Variants in HS2ST1 observed in about 807,000 individuals in gnomAD.
The protein encoded by HS2ST1 is 2-O-sulfotransferase.
A neutral mutation model predicts 42.9 loss-of-function variants in HS2ST1; 18 were observed. The ratio of observed to expected loss-of-function variants is 0.42; its 90% CI spans 0.29 to 0.62. The LOEUF is 0.62. Among genes scored for constraint, HS2ST1 ranks in the 20% least tolerant of loss-of-function variants. The pLI, the probability that HS2ST1 is intolerant of heterozygous loss-of-function variation, is 0.21. For missense variants in HS2ST1, 334 were observed against 433.8 expected (o/e 0.77, Z 2.04); for synonymous variants, 146 against 152.9 (o/e 0.95, Z 0.33).
chr1:86,983,416 G>A (rs930358135), intron 1 of HS2ST1, among the ~76,000 whole-genome samples: 1 of 152,120 alleles, frequency 6.6e-6, no homozygotes. Flanking sequence ...AGGAGAGAGA[G>A]TGCAGGGGAA....
chr1:87,040,624 C>T (rs1189251425), intron 1 of HS2ST1, among the ~76,000 whole-genome samples: 1 of 152,118 alleles, frequency 6.6e-6, no homozygotes, highest in Non-Finnish European at 1.5e-5. Context: ...GTGGCCCTTT[C>T]AGAACCTCAA....
intron 1 of HS2ST1, among the ~76,000 whole-genome samples, chr1:87,023,365 T>C (rs964506542): frequency 6.6e-6 from 1 of 151,782 alleles, no homozygotes; most frequent in Admixed American, 6.6e-5. Flanking sequence ...CATAGATGAG[T>C]GGTAAAATAA....
rs547578991 is a variant in HS2ST1, at chr1:87,106,230, C to T, written c.*1534C>T. 2.0e-5 allele frequency: 3 copies of T among 152,560 alleles called. No individual in the cohort carries two copies. In the East Asian group the frequency reaches 5.8e-4, roughly 29 times the overall value. The allele number at this position is 152,560 out of a possible 1,614,324, so 9.5% of individuals were successfully genotyped here. A position where few individuals can be genotyped will look rare whatever the true frequency, so the allele number is the denominator to read the frequency against. ...AATTTGTGTTTGATAAATATCCTCT[C>T]AGTGTTTTATCTTCCATGTTTCAAC... On this transcript the variant is annotated 3_prime_UTR_variant, in exon 7 of 7. Transcript: ENST00000370550.
intron 1 of HS2ST1, among the ~76,000 whole-genome samples, chr1:86,922,371 T>G (rs1395206220): frequency 6.6e-6 from 1 of 151,876 alleles, no homozygotes; most frequent in Non-Finnish European, 1.5e-5. Flanking sequence ...TGTTTAAAAA[T>G]TTTTTAAAAA....
At chr1:87,003,650 A>G (rs1445035177) in intron 1 of HS2ST1, among the ~76,000 whole-genome samples, 1 of 152,204 alleles carries the variant, frequency 6.6e-6, no homozygotes. Flanking sequence ...GGATTCAACT[A>G]ATCACAATAA....
At chr1:86,969,307 C>G (rs531066003) in intron 1 of HS2ST1, among the ~76,000 whole-genome samples, 4 of 152,090 alleles carry the variant, frequency 2.6e-5, no homozygotes, top group Non-Finnish European at 4.4e-5. Flanking sequence ...TTTCTATGCC[C>G]TTTTCTTTCT....
At chr1:86,998,612 A>G (rs1472525447) in intron 1 of HS2ST1, among the ~76,000 whole-genome samples, 1 of 152,090 alleles carries the variant, frequency 6.6e-6, no homozygotes, top group Non-Finnish European at 1.5e-5. Context: ...ATGTTTCAAG[A>G]TCTTGAATTT....
chr1:86,977,822 TATAAAG>T (rs1357624374), intron 1 of HS2ST1, among the ~76,000 whole-genome samples: 1 of 152,166 alleles, frequency 6.6e-6, no homozygotes, highest in Non-Finnish European at 1.5e-5. Context: ...GATGCAGAAA[TATAAAG>T]ATACGGAGAA....
intron 1 of HS2ST1, among the ~76,000 whole-genome samples, chr1:87,044,599 G>T (rs917637285): frequency 6.6e-5 from 10 of 152,062 alleles, no homozygotes; most frequent in Non-Finnish European, 1.2e-4. Context: ...TTATAACCAG[G>T]TATCAACTTA....
At chr1:87,098,930 C>T (rs569480550) in intron 5 of HS2ST1, among the ~76,000 whole-genome samples, 105 of 152,246 alleles carry the variant, frequency 6.9e-4, no homozygotes, top group Non-Finnish European at 2.9e-4. Flanking sequence ...CAGGTGCCTG[C>T]ACTACCCTGG....
At chr1:87,076,188 T>C (rs1651538961) in intron 2 of HS2ST1, among the ~76,000 whole-genome samples, 1 of 152,138 alleles carries the variant, frequency 6.6e-6, no homozygotes, top group Admixed American at 6.5e-5. Context: ...AGTGTCAGTA[T>C]CATAACAACC....
intron 1 of HS2ST1, among the ~76,000 whole-genome samples, chr1:87,033,361 C>G (rs1181727532): frequency 6.6e-6 from 1 of 152,100 alleles, no homozygotes; most frequent in Admixed American, 6.6e-5. Flanking sequence ...GGAATCTTTG[C>G]TAGAAAGAAA....
At chr1:86,966,760 T>C (rs1260575781) in intron 1 of HS2ST1, among the ~76,000 whole-genome samples, 1 of 152,208 alleles carries the variant, frequency 6.6e-6, no homozygotes, top group Non-Finnish European at 1.5e-5. Context: ...ATCTTTTTAA[T>C]AATGCTTTTT....
chr1:87,085,225 A>G (rs893495633), intron 3 of HS2ST1, among the ~76,000 whole-genome samples: 13 of 152,136 alleles, frequency 8.5e-5, no homozygotes, highest in African/African-American at 3.1e-4. Flanking sequence ...TTTAGCTTAG[A>G]CATGTTTATT....
At chr1:87,011,086 T>G (rs1367399219) in intron 1 of HS2ST1, among the ~76,000 whole-genome samples, 1 of 151,218 alleles carries the variant, frequency 6.6e-6, no homozygotes, top group Non-Finnish European at 1.5e-5. Flanking sequence ...GTGCCTGGCC[T>G]CTTCACATTT....
At position 87,030,687 on chromosome 1, in the gene HS2ST1, C is replaced by T. The variant is rs539045297; in HGVS notation, c.125-42247C>T. On this transcript the variant is annotated intron_variant, in intron 1 of 6. Coordinates refer to ENST00000370550, the MANE Select transcript of HS2ST1 (RefSeq NM_012262.4). ...GTATATTGTGATATGATTAATCCTT[C>T]AGTTAATCTAAGTTTAGCCATATAA... 3.3e-5 allele frequency among the ~76,000 whole-genome samples: 5 copies of T among 152,278 alleles called. No homozygotes were observed. In the South Asian group the frequency reaches 8.3e-4, roughly 25 times the overall value.
chr1:87,095,474 C>T (rs766530514), intron 4 of HS2ST1, among the ~76,000 whole-genome samples: 1 of 152,168 alleles, frequency 6.6e-6, no homozygotes, highest in Non-Finnish European at 1.5e-5. Flanking sequence ...TGTGCACCTG[C>T]ACCTAGGATA....
rs1345137421 is a variant in HS2ST1, at chr1:87,045,269, A to G, written c.125-27665A>G. The G allele has an allele frequency of 1.0e-5, 11 of 1,089,482 alleles. No individual in the cohort carries two copies. The East Asian group carries it at 2.6e-4, about 26-fold the overall frequency. 67.5% of individuals were successfully genotyped at this position (1,089,482 alleles called of 1,614,324 possible). A position where few individuals can be genotyped will look rare whatever the true frequency, so the allele number is the denominator to read the frequency against. On this transcript the variant is annotated intron_variant, in intron 1 of 6. Coordinates refer to ENST00000370550, the MANE Select transcript of HS2ST1 (RefSeq NM_012262.4). The stretch of plus-strand genomic sequence containing the variant: ...TTCACTATGAAGGATGTTGATCAAT[A>G]AAGTATAGTCCTGGAGGAAGTAATC...
At chr1:87,070,676 C>A (rs1651379347) in intron 1 of HS2ST1, among the ~76,000 whole-genome samples, 2 of 152,134 alleles carry the variant, frequency 1.3e-5, no homozygotes, top group South Asian at 4.1e-4. Context: ...TGTATGGATG[C>A]TTATCGTATG....
Sources: gnomAD v4.1 joint callset for allele counts (sites outside exome capture counted in the v4.1 genomes callset) on GRCh38, gnomAD v4.1.1 for gene constraint, MANE v1.5 for transcripts, NCBI Gene and HGNC (gene_info 2026-07-23, HGNC 2026-07-21) for gene names.